FAM13A: variants seen among roughly 807,000 people sequenced by gnomAD.
FAM13A encodes the protein family with sequence similarity 13 member A.
FAM13A carries 76 observed loss-of-function variants against 129.6 expected under a neutral mutation model. The ratio of observed to expected loss-of-function variants is 0.59; its 90% CI spans 0.49 to 0.71. The LOEUF is 0.71. FAM13A is among the 30% of genes least tolerant of loss of function. The probability of loss-of-function intolerance (pLI) is 0.00; values close to 1 mark genes in which losing one functional copy is unlikely to be tolerated. For synonymous variants in FAM13A, 443 were observed against 449.9 expected (o/e 0.98, Z 0.20); for missense variants, 1,108 against 1,249.3 (o/e 0.89, Z 1.70).
chr4:89,044,618 A>G (rs570913123), intron 1 of FAM13A, among the ~76,000 whole-genome samples: 3 of 152,204 alleles, frequency 2.0e-5, no homozygotes, highest in African/African-American at 7.2e-5. Flanking sequence ...ACATTTGTTC[A>G]ACGATGTTCA....
At chr4:88,761,424 T>G (rs1020863320) in intron 13 of FAM13A, among the ~76,000 whole-genome samples, 1 of 152,158 alleles carries the variant, frequency 6.6e-6, no homozygotes. Flanking sequence ...GAAGACAATG[T>G]TAAATGCATT....
At position 88,727,361 on chromosome 4, in the gene FAM13A, GTCTAATA is replaced by G. The variant is rs1365049058; in HGVS notation, c.*1165_*1171del. The G allele has an allele frequency of 6.6e-6, 1 of 152,592 alleles. No individual in the cohort carries two copies. Among genetic ancestry groups the G allele is most frequent in the African/African-American group, 2.4e-5 (1 of 41,434 alleles). The allele number at this position is 152,592 out of a possible 1,614,324, so 9.5% of individuals were successfully genotyped here. On this transcript the variant is annotated 3_prime_UTR_variant, in exon 24 of 24. Transcript: ENST00000264344. ...TTACATTTCCTGGTCCCTCCAAAAT[GTCTAATA>G]TAGACAGTTTTGTGACAAAGTCTTT...
At chr4:88,970,867 AAC>A (rs1489716613) in intron 4 of FAM13A, among the ~76,000 whole-genome samples, 3 of 152,206 alleles carry the variant, frequency 2.0e-5, no homozygotes, top group Admixed American at 2.0e-4. Flanking sequence ...TGGAAATAAT[AAC>A]ACAGTAGGAA....
At chr4:88,915,226 A>G (rs944376690) in intron 5 of FAM13A, among the ~76,000 whole-genome samples, 1 of 152,230 alleles carries the variant, frequency 6.6e-6, no homozygotes, top group Non-Finnish European at 1.5e-5. Flanking sequence ...TCTGCAATTC[A>G]TCTATATCTC....
intron 7 of FAM13A, among the ~76,000 whole-genome samples, chr4:88,808,556 A>G (rs1729038857): frequency 6.6e-6 from 1 of 152,172 alleles, no homozygotes; most frequent in African/African-American, 2.4e-5. Context: ...GATGAAATTG[A>G]GAATTAATTC....
intron 5 of FAM13A, among the ~76,000 whole-genome samples, chr4:88,932,542 A>G (rs966036098): frequency 6.6e-6 from 1 of 152,210 alleles, no homozygotes; most frequent in Non-Finnish European, 1.5e-5. Context: ...AAATAAGAAA[A>G]AAGTGAATAA....
chr4:88,910,596 T>A (rs1192187342), intron 5 of FAM13A, among the ~76,000 whole-genome samples: 3 of 152,042 alleles, frequency 2.0e-5, no homozygotes, highest in Non-Finnish European at 4.4e-5. Flanking sequence ...CCCTACCCTA[T>A]TTTATGTTTC....
At chr4:88,787,964 A>C (rs1433279086) in intron 9 of FAM13A, 32 bp from the exon 10 acceptor site, 1 of 1,584,702 alleles carries the variant, frequency 6.3e-7, no homozygotes, top group South Asian at 1.1e-5. Context: ...TCATTCAAGC[A>C]GTCAAGTTCA....
intron 19 of FAM13A, among the ~76,000 whole-genome samples, chr4:88,742,552 C>T (rs983478978): frequency 3.9e-5 from 6 of 152,150 alleles, no homozygotes; most frequent in Non-Finnish European, 5.9e-5. Context: ...TTATCATAAT[C>T]ATTTTCATAA....
At chr4:88,977,399 G>A (rs2148972187) in intron 4 of FAM13A, among the ~76,000 whole-genome samples, 1 of 152,170 alleles carries the variant, frequency 6.6e-6, no homozygotes, top group Admixed American at 6.5e-5. Context: ...CCAGAGAAGA[G>A]TTCACATATT....
chr4:88,953,348 G>A (rs538930099), intron 4 of FAM13A, among the ~76,000 whole-genome samples: 6 of 151,694 alleles, frequency 4.0e-5, no homozygotes, highest in Admixed American at 2.0e-4. Context: ...CCAGCTACTC[G>A]GGAGGCTGAG....
chr4:88,879,787 C>A (rs1237937308), intron 6 of FAM13A, among the ~76,000 whole-genome samples: 2 of 152,140 alleles, frequency 1.3e-5, no homozygotes, highest in Non-Finnish European at 2.9e-5. Context: ...AGGCCAGGTG[C>A]CTGAGTGACC....
At position 88,731,392 on chromosome 4, in the gene FAM13A, T is replaced by C; in HGVS notation, c.2880A>G (p.Glu960=). 6.2e-7 allele frequency: 1 copy of C among 1,606,078 alleles called. No individual in the cohort carries two copies. Among genetic ancestry groups the C allele is most frequent in the Non-Finnish European group, 8.5e-7 (1 of 1,179,282 alleles). The change falls in exon 23 of 24, where the codon GAA becomes GAG. Residue 960 remains glutamate (E), a synonymous_variant. Transcript: ENST00000264344. ...GTTTCTTTCGAATCCTTTTCTTTTC[T>C]TCTCTCATTTCCTGGAGGTGTTCCA... is the stretch of plus-strand genomic sequence containing the variant. ...ELLEHLQEMR[E]EKKRIRKKLR... is the part of the protein sequence containing the mutation.
At chr4:88,844,916 G>A (rs1432260317) in intron 7 of FAM13A, among the ~76,000 whole-genome samples, 1 of 152,124 alleles carries the variant, frequency 6.6e-6, no homozygotes, top group African/African-American at 2.4e-5. Context: ...TTATCTGAGG[G>A]ACTGGGAAGA....
chr4:88,928,487 G>A (rs1014008093), intron 5 of FAM13A, among the ~76,000 whole-genome samples: 4 of 152,042 alleles, frequency 2.6e-5, no homozygotes, highest in Non-Finnish European at 5.9e-5. Flanking sequence ...TTGTGACTCT[G>A]GGTGTTCCAG....
At chr4:88,835,271 TC>T (rs1734627264) in intron 7 of FAM13A, among the ~76,000 whole-genome samples, 1 of 152,122 alleles carries the variant, frequency 6.6e-6, no homozygotes, top group Admixed American at 6.6e-5. Context: ...CTCATACCCA[TC>T]CATCAAAACA....
At chr4:89,052,506 G>T (rs1320624225) in intron 1 of FAM13A, among the ~76,000 whole-genome samples, 1 of 125,966 alleles carries the variant, frequency 7.9e-6, no homozygotes, top group Admixed American at 1.0e-4. Flanking sequence ...ACAAGCACCA[G>T]GCACAGTAGT....
At chr4:88,820,828 C>CAA (rs1026850204) in intron 7 of FAM13A, among the ~76,000 whole-genome samples, 2 of 152,204 alleles carry the variant, frequency 1.3e-5, no homozygotes, top group African/African-American at 4.8e-5. Context: ...CTCATGCACT[C>CAA]AAAGTATGAG....
chr4:88,917,949 G>A (rs1750370659), intron 5 of FAM13A, among the ~76,000 whole-genome samples: 1 of 152,140 alleles, frequency 6.6e-6, no homozygotes, highest in South Asian at 2.1e-4. Flanking sequence ...CTCAAAAACT[G>A]AGAATAGCTA....
Sources: gnomAD v4.1 joint callset for allele counts (sites outside exome capture counted in the v4.1 genomes callset) on GRCh38, gnomAD v4.1.1 for gene constraint, MANE v1.5 for transcripts, NCBI Gene and HGNC (gene_info 2026-07-23, HGNC 2026-07-21) for gene names.